SNX19: variants seen among roughly 807,000 people sequenced by gnomAD.
SNX19 encodes sorting nexin 19.
A neutral mutation model predicts 85.2 loss-of-function variants in SNX19; 60 were observed. The observed-to-expected ratio is 0.70, with a 90% CI of 0.57 to 0.87. SNX19 has a LOEUF of 0.87. Among genes scored for constraint, SNX19 ranks in the 40% least tolerant of loss-of-function variants. The probability of loss-of-function intolerance (pLI) is 0.00; values close to 1 mark genes in which losing one functional copy is unlikely to be tolerated. For synonymous variants in SNX19, 520 were observed against 470.0 expected (o/e 1.11, Z -1.38); for missense variants, 1,201 against 1,217.8 (o/e 0.99, Z 0.21).
At position 130,914,286 on chromosome 11, in the gene SNX19, A is replaced by T; in HGVS notation, c.1654T>A (p.Tyr552Asn). ...REHSGTGFHP[Y>N]TLYTVKYETA... ...GTTACCTTCACAGTATAGAGTGTGT[A>T]TGGGTGGAATCCAGTGCCACTGTGC... The change falls in exon 1 of 11, where the codon TAC becomes AAC. Residue 552 changes from tyrosine (Y) to asparagine (N), a missense_variant. Around this residue, in one of 3 missense-constraint regions of SNX19, gnomAD observed 791 missense variants for 750.9 expected, o/e 1.05. Transcript: ENST00000265909. The T allele has an allele frequency of 1.3e-6, 2 of 1,591,900 alleles. No homozygotes were observed. The highest frequency in any genetic ancestry group is 2.2e-5 in the East Asian group (1 of 44,742).
chr11:130,887,805 C>T (rs929278730), intron 8 of SNX19, among the ~76,000 whole-genome samples: 2 of 152,140 alleles, frequency 1.3e-5, no homozygotes, highest in Admixed American at 6.5e-5. Flanking sequence ...ACCTCAAAGA[C>T]ACTCAATAAA....
At position 130,874,395 on chromosome 11, in the gene SNX19, CCTGTT is replaced by C. The variant is rs772411236; in HGVS notation, c.*4022_*4026del. On this transcript the variant is annotated 3_prime_UTR_variant, in exon 11 of 11. Coordinates refer to ENST00000265909, the MANE Select transcript of SNX19 (RefSeq NM_014758.3). ...TAGAAGAAAACACAGAAGAGATGCT[CCTGTT>C]CTTTTATGAATGTTATCTCTGGGTG... Among the ~76,000 whole-genome samples, 112 of 152,268 alleles carry C rather than the reference CCTGTT, an allele frequency of 7.4e-4. No individual in the cohort carries two copies. Among genetic ancestry groups the C allele is most frequent in the Non-Finnish European group, 1.4e-3 (98 of 68,034 alleles).
chr11:130,907,789 C>T (rs113380718), intron 5 of SNX19, among the ~76,000 whole-genome samples, 164 bp downstream of exon 5: 2 of 152,188 alleles, frequency 1.3e-5, no homozygotes, highest in Non-Finnish European at 2.9e-5. Flanking sequence ...CAGGCTCCTC[C>T]GGGTGGAAAA....
At chr11:130,899,574 G>A (rs1187803409) in intron 8 of SNX19, among the ~76,000 whole-genome samples, 1 of 152,176 alleles carries the variant, frequency 6.6e-6, no homozygotes, top group Non-Finnish European at 1.5e-5. Context: ...GCTTGGGTGA[G>A]GAGACTGCTA....
rs1315379349 is a variant in SNX19 at position 130,869,218 on chromosome 11, T to C, written c.*9204A>G. 6.6e-6 allele frequency: 1 copy of C among 152,204 alleles called. No homozygotes were observed. Among genetic ancestry groups the C allele is most frequent in the Non-Finnish European group, 1.5e-5 (1 of 68,030 alleles). The allele number at this position is 152,204 out of a possible 1,614,324, so 9.4% of individuals were successfully genotyped here. ...GTGCTTCAAAATGAAGACAGCTGTGTATGTCTCAGTCAAGCTGTGCGGGTC... is the reference window on the plus strand; with the variant it reads ...GTGCTTCAAAATGAAGACAGCTGTGCATGTCTCAGTCAAGCTGTGCGGGTC... On this transcript the variant is annotated 3_prime_UTR_variant, in exon 11 of 11. Transcript: ENST00000265909.
In SNX19 at chr11:130,915,303, G is replaced by T; in HGVS notation, c.637C>A (p.Arg213Ser). The T allele has an allele frequency of 1.9e-6, 3 of 1,614,188 alleles. No individual in the cohort carries two copies. The South Asian group carries it at 3.3e-5, about 18-fold the overall frequency. ...HSPSAEVTYTRGVVNLLLQGL... is the reference protein window; with the variant it reads ...HSPSAEVTYTSGVVNLLLQGL... Reference sequence around the variant, plus strand: ...TGAAGCAACAAATTCACAACGCCACGCGTATAGGTGACTTCAGCACTGGGG... The same window carrying T: ...TGAAGCAACAAATTCACAACGCCACTCGTATAGGTGACTTCAGCACTGGGG... The change falls in exon 1 of 11, where the codon CGT (arginine) becomes AGT (serine). Residue 213 changes from arginine (R) to serine (S), a missense_variant. Physicochemically the swap from Arg to Ser is moderately radical, Grantham distance 110 (BLOSUM62 -1). Transcript: ENST00000265909.
At position 130,903,154 on chromosome 11, in the gene SNX19, T is replaced by C. The variant is rs115371747; in HGVS notation, c.2573+101A>G. ...TGTAACCCCTGTAACAGAGAATCTA[T>C]CTTCTCTTACGGCTGCAGATTCCCT... On this transcript the variant is annotated intron_variant, in intron 8 of 10. Transcript: ENST00000265909. The C allele has an allele frequency of 2.6e-3, 3,992 of 1,510,708 alleles. 87 individuals carry two copies. The African/African-American group carries it at 0.047, about 18-fold the overall frequency. 93.6% of individuals were successfully genotyped at this position (1,510,708 alleles called of 1,614,324 possible). A position where few individuals can be genotyped will look rare whatever the true frequency, so the allele number is the denominator to read the frequency against.
intron 8 of SNX19, among the ~76,000 whole-genome samples, chr11:130,886,069 A>G (rs892512797): frequency 2.6e-5 from 4 of 152,212 alleles, no homozygotes; most frequent in Admixed American, 6.5e-5. Context: ...CCCTGAGGAC[A>G]AAATTGCTCC....
intron 10 of SNX19, 123 bp downstream of exon 10, chr11:130,879,501 A>G: frequency 1.3e-6 from 1 of 780,878 alleles, no homozygotes; most frequent in Non-Finnish European, 2.1e-6. Context: ...CAGTGCCCAG[A>G]GCAAGTAAAG....
rs1410429935 is a variant in SNX19, at chr11:130,870,519, A to G, written c.*7903T>C. ...GTTCCCACCCACACGCAAGATGTACAAAGCTGTCTGGGGCAGGTCTGGTAC... is the reference window on the plus strand; with the variant it reads ...GTTCCCACCCACACGCAAGATGTACGAAGCTGTCTGGGGCAGGTCTGGTAC... On this transcript the variant is annotated 3_prime_UTR_variant, in exon 11 of 11. Transcript: ENST00000265909. Among the ~76,000 whole-genome samples the G allele has an allele frequency of 6.6e-6, 1 of 152,258 alleles. No homozygotes were observed. The highest frequency in any genetic ancestry group is 2.4e-5 in the African/African-American group (1 of 41,474).
At chr11:130,890,384 A>T (rs1176860272) in intron 8 of SNX19, among the ~76,000 whole-genome samples, 1 of 152,126 alleles carries the variant, frequency 6.6e-6, no homozygotes, top group Non-Finnish European at 1.5e-5. Context: ...TGGCCCCTTC[A>T]ATTAATTAAT....
In SNX19 at chr11:130,910,121, G is replaced by A. The variant is rs1194139012; in HGVS notation, c.1931C>T (p.Pro644Leu). The part of the protein sequence containing the change: ...ESFLKQLCAI[P>L]EIANSEEVQE... Reference sequence around the variant, plus strand: ...CACCTCCTCACTGTTAGCGATCTCCGGAATGGCACAGAGTTGCTGCAAAAG... The same window carrying A: ...CACCTCCTCACTGTTAGCGATCTCCAGAATGGCACAGAGTTGCTGCAAAAG... Residue 644 changes from proline to leucine, a missense_variant, in exon 4 of 11, where the codon CCG becomes CTG. Transcript: ENST00000265909. The A allele has an allele frequency of 4.3e-6, 7 of 1,614,094 alleles. No homozygotes were observed. The Admixed American group carries it at 5.0e-5, about 12-fold the overall frequency.
rs764534043 is a variant in SNX19 at position 130,896,817 on chromosome 11, G to A, written c.2573+6438C>T. On this transcript the variant is annotated intron_variant, in intron 8 of 10. Coordinates refer to ENST00000265909, the MANE Select transcript of SNX19 (RefSeq NM_014758.3). ...AGTTCCTTTCCCATTGCAATTACTC[G>A]TGCACTTTTGGTGGCAGACCTGGAG... 3.3e-5 allele frequency among the ~76,000 whole-genome samples: 5 copies of A among 151,838 alleles called. No homozygotes were observed. In the South Asian group the frequency reaches 6.2e-4, roughly 19 times the overall value.
Position 130,878,289 on chromosome 11 carries a change from A to G in SNX19, c.*133T>C, listed in dbSNP as rs1943382516. 1 of 968,426 alleles carries G rather than the reference A, an allele frequency of 1.0e-6. No individual in the cohort carries two copies. The allele number at this position is 968,426 out of a possible 1,614,324, so 60.0% of individuals were successfully genotyped here. A position where few individuals can be genotyped will look rare whatever the true frequency, so the allele number is the denominator to read the frequency against. ...CTGCTACAAATGGAGCAGAAGTGGGAGAGAAGTGAGCCACCGAGAACCTAG... is the reference window on the plus strand; with the variant it reads ...CTGCTACAAATGGAGCAGAAGTGGGGGAGAAGTGAGCCACCGAGAACCTAG... On this transcript the variant is annotated 3_prime_UTR_variant, in exon 11 of 11. Transcript: ENST00000265909.
chr11:130,894,989 G>C (rs1944149), intron 8 of SNX19: 638,265 of 985,066 alleles, frequency 0.65, 207,717 homozygotes, highest in South Asian at 0.8. Context: ...AAGTCACATA[G>C]CCTCAAAGCA....
intron 5 of SNX19, among the ~76,000 whole-genome samples, chr11:130,907,047 C>A (rs1035942737): frequency 2.6e-5 from 4 of 152,184 alleles, no homozygotes; most frequent in African/African-American, 4.8e-5. Context: ...ACATAATAGG[C>A]ACTCATTAAA....
chr11:130,910,005 G>C lies in SNX19; in HGVS notation c.2034+13C>G. The C allele has an allele frequency of 1.2e-6, 2 of 1,612,474 alleles. No homozygotes were observed. The highest frequency in any genetic ancestry group is 2.2e-5 in the East Asian group (1 of 44,884). ...ATCAAAACTAAAGCTGAGCACAGTG[G>C]CCCTGCTGGTACCTTGTCTATTCTA... On this transcript the variant is annotated intron_variant, in intron 4 of 10. Transcript: ENST00000265909.
rs1351444956 is a variant in SNX19, at chr11:130,870,394, AG to A, written c.*8027del. On this transcript the variant is annotated 3_prime_UTR_variant, in exon 11 of 11. Coordinates refer to ENST00000265909, the MANE Select transcript of SNX19 (RefSeq NM_014758.3). The stretch of plus-strand genomic sequence containing the variant: ...GCCATCCGCAAACCCACATGGGTGC[AG>A]GGTGCACACCTGAACAGGGGGTAGC... The A allele has an allele frequency of 6.6e-6, 1 of 152,280 alleles. No homozygotes were observed. The highest frequency in any genetic ancestry group is 1.5e-5 in the Non-Finnish European group (1 of 68,070). 9.4% of individuals were successfully genotyped at this position (152,280 alleles called of 1,614,324 possible).
Position 130,911,651 on chromosome 11 carries a change from G to T in SNX19, c.1795C>A (p.Leu599Ile). 6.2e-7 allele frequency: 1 copy of T among 1,614,164 alleles called. No individual in the cohort carries two copies. Among genetic ancestry groups the T allele is most frequent in the Non-Finnish European group, 8.5e-7 (1 of 1,180,032 alleles). The change falls in exon 2 of 11, where the codon CTA becomes ATA. Residue 599 changes from leucine (L) to isoleucine (I), a missense_variant. Coordinates refer to ENST00000265909, the MANE Select transcript of SNX19 (RefSeq NM_014758.3). The stretch of plus-strand genomic sequence containing the variant: ...TCCTGACTTTTGATGAACTTTCGTA[G>T]ATCTGGTTTCTCCTCCAGACGGGTC... ...LQTRLEEKPD[L>I]RKFIKNVKGP...
Sources: allele counts gnomAD v4.1 joint callset (sites outside exome capture counted in the v4.1 genomes callset), GRCh38; gene constraint gnomAD v4.1.1; regional missense constraint gnomAD v4.1.1; transcripts MANE v1.5; gene names NCBI Gene and HGNC (gene_info 2026-07-23, HGNC 2026-07-21).